HTR1F: variants seen among roughly 807,000 people sequenced by gnomAD.
The protein encoded by HTR1F is 5-hydroxytryptamine receptor 1F, also known as 5-hydroxytryptamine (serotonin) receptor 1F, G protein-coupled.
A neutral mutation model predicts 24.0 loss-of-function variants in HTR1F; 17 were observed. That is an observed-to-expected ratio of 0.71 (90% CI 0.48 to 1.06). HTR1F has a LOEUF of 1.06. Ranked by LOEUF, HTR1F falls within the 50% of genes least tolerant of loss-of-function variation. The probability of loss-of-function intolerance (pLI) is 0.00; values close to 1 mark genes in which losing one functional copy is unlikely to be tolerated. For synonymous variants in HTR1F, 186 were observed against 156.8 expected, an observed-to-expected ratio of 1.19 and a Z score of -1.39; for missense variants, 391 against 427.8, an observed-to-expected ratio of 0.91 and a Z score of 0.76.
At chr3:87,982,806 T>C (rs1419217390) in intron 2 of HTR1F, among the ~76,000 whole-genome samples, 2 of 152,206 alleles carry the variant, frequency 1.3e-5, no homozygotes, top group Admixed American at 6.5e-5. Flanking sequence ...GGGGTGTCTA[T>C]TGCAATTATC....
chr3:87,830,553 C>T (rs1004299304), intron 2 of HTR1F, among the ~76,000 whole-genome samples: 9 of 152,120 alleles, frequency 5.9e-5, no homozygotes, highest in Non-Finnish European at 1.3e-4. Context: ...ATTAATTTCT[C>T]ATGATTTCTC....
chr3:87,816,840 G>A (rs957247360), intron 1 of HTR1F, among the ~76,000 whole-genome samples: 4 of 152,016 alleles, frequency 2.6e-5, no homozygotes, highest in Non-Finnish European at 5.9e-5. Flanking sequence ...AATAATACCT[G>A]ATTTTCTTAT....
intron 2 of HTR1F, among the ~76,000 whole-genome samples, chr3:87,867,583 CAG>C (rs978621384): frequency 3.4e-5 from 5 of 148,908 alleles, no homozygotes; most frequent in Admixed American, 2.0e-4. Flanking sequence ...TGACCTCCCC[CAG>C]AAAATCAATG....
chr3:87,840,294 G>A (rs747536045), intron 2 of HTR1F, among the ~76,000 whole-genome samples: 27 of 152,006 alleles, frequency 1.8e-4, no homozygotes, highest in South Asian at 8.3e-4. Flanking sequence ...ATTTTCTATA[G>A]AAGTCATGTA....
At chr3:87,979,853 A>G (rs1705503167) in intron 2 of HTR1F, among the ~76,000 whole-genome samples, 1 of 152,202 alleles carries the variant, frequency 6.6e-6, no homozygotes, top group African/African-American at 2.4e-5. Flanking sequence ...GCAACCCTGC[A>G]GCTGAATCAG....
intron 2 of HTR1F, among the ~76,000 whole-genome samples, chr3:87,945,103 GTCTCCTCCATCTCTCTCTCTC>G (rs1292694852): frequency 6.9e-6 from 1 of 144,464 alleles, no homozygotes; most frequent in Admixed American, 6.8e-5. Flanking sequence ...CTCTCTCTCT[GTCTCCTCCATCTCTCTCTCTC>G]TCTCTCCTCC....
intron 2 of HTR1F, among the ~76,000 whole-genome samples, chr3:87,829,371 T>C (rs1356141424): frequency 6.6e-6 from 1 of 152,234 alleles, no homozygotes; most frequent in Non-Finnish European, 1.5e-5. Flanking sequence ...AAATCCAGTA[T>C]TGAGACTGTC....
At chr3:87,965,330 A>G (rs994795120) in intron 2 of HTR1F, among the ~76,000 whole-genome samples, 1 of 152,166 alleles carries the variant, frequency 6.6e-6, no homozygotes, top group Non-Finnish European at 1.5e-5. Flanking sequence ...TACATTATGG[A>G]GTCTAAAAAG....
At chr3:87,913,070 AAGCAAAAATT>A (rs1422952947) in intron 2 of HTR1F, among the ~76,000 whole-genome samples, 1 of 152,144 alleles carries the variant, frequency 6.6e-6, no homozygotes, top group East Asian at 1.9e-4. Flanking sequence ...ACTGCAACAA[AAGCAAAAATT>A]AACAAATCGG....
intron 2 of HTR1F, among the ~76,000 whole-genome samples, chr3:87,928,898 G>A (rs1053060581): frequency 9.9e-5 from 15 of 152,130 alleles, no homozygotes; most frequent in African/African-American, 3.6e-4. Context: ...AGCCATCAGT[G>A]AAAAAGAGCT....
chr3:87,849,669 G>A (rs1213920841), intron 2 of HTR1F, among the ~76,000 whole-genome samples: 2 of 151,786 alleles, frequency 1.3e-5, no homozygotes, highest in African/African-American at 2.4e-5. Flanking sequence ...GAGTGAACAG[G>A]CAACCTACAG....
chr3:87,872,106 T>C (rs2107256915), intron 2 of HTR1F, among the ~76,000 whole-genome samples: 1 of 152,130 alleles, frequency 6.6e-6, no homozygotes, highest in Non-Finnish European at 1.5e-5. Flanking sequence ...AAAAGAAACA[T>C]TGTAAAATAC....
chr3:87,820,549 A>G (rs1281779186), intron 1 of HTR1F, among the ~76,000 whole-genome samples: 2 of 152,182 alleles, frequency 1.3e-5, no homozygotes, highest in Non-Finnish European at 2.9e-5. Flanking sequence ...GGATAGTTAC[A>G]TACCATCAAA....
chr3:87,847,410 T>C (rs558047607), intron 2 of HTR1F, among the ~76,000 whole-genome samples: 1 of 151,990 alleles, frequency 6.6e-6, no homozygotes, highest in South Asian at 2.1e-4. Context: ...ATTGTATTGA[T>C]AGACAATATT....
At position 87,955,943 on chromosome 3, in the gene HTR1F, C is replaced by G. The variant is rs140671986; in HGVS notation, c.-42-34765C>G. 3.3e-5 allele frequency among the ~76,000 whole-genome samples: 5 copies of G among 151,456 alleles called. No homozygotes were observed. In the East Asian group the frequency reaches 5.8e-4, roughly 18 times the overall value. On this transcript the variant is annotated intron_variant, in intron 2 of 2. Coordinates refer to ENST00000319595, the MANE Select transcript of HTR1F (RefSeq NM_001322209.2). ...AAGAGATCTGTATATGGTCTGGATACAAATATTTTATCATGCAATTAATTC... is the reference window on the plus strand; with the variant it reads ...AAGAGATCTGTATATGGTCTGGATAGAAATATTTTATCATGCAATTAATTC...
At chr3:87,836,229 T>G (rs891305571) in intron 2 of HTR1F, among the ~76,000 whole-genome samples, 1 of 152,204 alleles carries the variant, frequency 6.6e-6, no homozygotes, top group African/African-American at 2.4e-5. Flanking sequence ...TCTGTTACTT[T>G]AGAGATCTGA....
At position 87,948,318 on chromosome 3, in the gene HTR1F, G is replaced by A. The variant is rs1704757457; in HGVS notation, c.-42-42390G>A. Among the ~76,000 whole-genome samples the A allele has an allele frequency of 6.6e-5, 10 of 152,128 alleles. No homozygotes were observed. In the South Asian group the frequency reaches 1.7e-3, roughly 25 times the overall value. On this transcript the variant is annotated intron_variant, in intron 2 of 2. Transcript: ENST00000319595. ...CTATATAGTTAATTAGAAAGGCAGAGGTCACTAGAATAAAGAGGCTCCAAG... is the reference window on the plus strand; with the variant it reads ...CTATATAGTTAATTAGAAAGGCAGAAGTCACTAGAATAAAGAGGCTCCAAG...
At chr3:87,805,237 T>C (rs954791987) in intron 1 of HTR1F, among the ~76,000 whole-genome samples, 1 of 152,044 alleles carries the variant, frequency 6.6e-6, no homozygotes, top group Non-Finnish European at 1.5e-5. Flanking sequence ...CAAAATTTTC[T>C]TTATTCCCAC....
chr3:87,858,671 T>G (rs1228584363), intron 2 of HTR1F, among the ~76,000 whole-genome samples: 1 of 152,092 alleles, frequency 6.6e-6, no homozygotes, highest in Non-Finnish European at 1.5e-5. Flanking sequence ...GTTTTTTTTT[T>G]GTTTTACCAT....
Sources: allele counts gnomAD v4.1 joint callset (sites outside exome capture counted in the v4.1 genomes callset), GRCh38; gene constraint gnomAD v4.1.1; transcripts MANE v1.5; gene names NCBI Gene and HGNC (gene_info 2026-07-23, HGNC 2026-07-21).